Variants in EML4 observed in about 807,000 individuals in gnomAD.
The protein encoded by EML4 is EMAP like 4.
EML4 carries 72 observed loss-of-function variants against 129.0 expected under a neutral mutation model. That is an observed-to-expected ratio of 0.56 (90% CI 0.46 to 0.68). The LOEUF is 0.68. Among genes scored for constraint, EML4 ranks in the 30% least tolerant of loss-of-function variants. EML4 has a pLI of 0.00. For missense variants in EML4, 1,363 were observed against 1,190.6 expected, an observed-to-expected ratio of 1.14 and a Z score of -2.13; for synonymous variants, 532 against 405.0, an observed-to-expected ratio of 1.31 and a Z score of -3.77.
At chr2:42,226,438 TCATGAGGTCAGGAGATC>T (rs1673962086) in intron 1 of EML4, among the ~76,000 whole-genome samples, 1 of 117,506 alleles carries the variant, frequency 8.5e-6, no homozygotes, top group South Asian at 2.8e-4. Flanking sequence ...GGCGGGCGGA[TCATGAGGTCAGGAGATC>T]GAGACCATCC....
chr2:42,290,140 C>G (rs367762667), intron 11 of EML4, among the ~76,000 whole-genome samples: 32 of 151,706 alleles, frequency 2.1e-4, no homozygotes, highest in African/African-American at 6.5e-4. Context: ...GTATTGACTC[C>G]TGTTTAGGGA....
chr2:42,300,105 A>T (rs1417372034), intron 13 of EML4, among the ~76,000 whole-genome samples: 1 of 152,238 alleles, frequency 6.6e-6, no homozygotes, highest in South Asian at 2.1e-4. Flanking sequence ...TTTAAAATCT[A>T]TTCATCAGTT....
intron 17 of EML4, among the ~76,000 whole-genome samples, chr2:42,305,033 C>T (rs892305973): frequency 1.3e-5 from 2 of 152,052 alleles, no homozygotes; most frequent in African/African-American, 2.4e-5. Context: ...GCAGGAGAAT[C>T]AGTTGAACCT....
At chr2:42,239,024 G>T (rs1329920127) in intron 1 of EML4, among the ~76,000 whole-genome samples, 4 of 152,098 alleles carry the variant, frequency 2.6e-5, no homozygotes, top group African/African-American at 9.7e-5. Context: ...CTGCCTCAAC[G>T]TCTCAAAAGT....
intron 1 of EML4, among the ~76,000 whole-genome samples, chr2:42,177,230 A>C (rs1171221754): frequency 7.0e-6 from 1 of 142,700 alleles, no homozygotes; most frequent in African/African-American, 3.0e-5. Context: ...ATAGTTGACA[A>C]CTTAACAACC....
rs116559186 is a variant in EML4, at chr2:42,293,240, G to A, written c.1219-1885G>A. The stretch of plus-strand genomic sequence containing the variant: ...TCCTCCAGCCTCAGCCTCCCAAGTA[G>A]CTAAAACTACAGCGCGCACCGCCAC... On this transcript the variant is annotated intron_variant, in intron 11 of 22. Coordinates refer to ENST00000318522, the MANE Select transcript of EML4 (RefSeq NM_019063.5). 9.4e-3 allele frequency among the ~76,000 whole-genome samples: 1,421 copies of A among 151,918 alleles called. 26 individuals are homozygous for A. Among genetic ancestry groups the A allele is most frequent in the African/African-American group, 0.032 (1,320 of 41,438 alleles).
At chr2:42,264,420 A>G (rs1391580765) in intron 5 of EML4, among the ~76,000 whole-genome samples, 2 of 152,166 alleles carry the variant, frequency 1.3e-5, no homozygotes, top group Non-Finnish European at 2.9e-5. Context: ...GCCCAGCCAA[A>G]TAATAAATCT....
intron 2 of EML4, among the ~76,000 whole-genome samples, chr2:42,254,839 T>C (rs1676019560): frequency 6.6e-6 from 1 of 151,974 alleles, no homozygotes; most frequent in African/African-American, 2.4e-5. Flanking sequence ...TTTACACAAA[T>C]GTTTATGGCA....
intron 1 of EML4, among the ~76,000 whole-genome samples, chr2:42,183,494 G>A (rs1294984420): frequency 6.6e-6 from 1 of 152,158 alleles, no homozygotes; most frequent in African/African-American, 2.4e-5. Flanking sequence ...TACAAAACAG[G>A]TAGTTACAAC....
chr2:42,310,405 C>T (rs1034493239), intron 17 of EML4, among the ~76,000 whole-genome samples: 1 of 151,770 alleles, frequency 6.6e-6, no homozygotes, highest in Non-Finnish European at 1.5e-5. Context: ...AGTGCAGTGA[C>T]ATAATCTCAG....
rs2103860460 is a variant in EML4, at chr2:42,332,421, TG to T, written c.*2215del. 4.9e-6 allele frequency: 1 copy of T among 204,832 alleles called. No individual in the cohort carries two copies. Among genetic ancestry groups the T allele is most frequent in the East Asian group, 7.4e-5 (1 of 13,462 alleles). 12.7% of individuals were successfully genotyped at this position (204,832 alleles called of 1,614,324 possible). On this transcript the variant is annotated 3_prime_UTR_variant, in exon 23 of 23. Transcript: ENST00000318522. Reference sequence around the variant, plus strand: ...AATTGTAGATGTTTTTAGAAAAACTTGTGAATGAAAATGAATCCAAGTGTTT... The same window carrying T: ...AATTGTAGATGTTTTTAGAAAAACTTTGAATGAAAATGAATCCAAGTGTTT...
intron 1 of EML4, among the ~76,000 whole-genome samples, chr2:42,217,900 C>T (rs1156275064): frequency 1.3e-5 from 2 of 152,166 alleles, no homozygotes; most frequent in East Asian, 3.8e-4. Flanking sequence ...TGCTGATCAT[C>T]TCACTTTTGG....
chr2:42,309,665 C>T (rs1668820628), intron 17 of EML4, among the ~76,000 whole-genome samples: 2 of 152,092 alleles, frequency 1.3e-5, no homozygotes, highest in African/African-American at 4.8e-5. Context: ...AGCATTTCTT[C>T]AAGTACTTAT....
intron 19 of EML4, chr2:42,319,429 A>T (rs538091342): frequency 6.6e-6 from 1 of 152,336 alleles, no homozygotes; most frequent in East Asian, 1.9e-4. Context: ...TTAATTTGAG[A>T]TACCCATAGG....
chr2:42,210,041 C>A (rs1359505783), intron 1 of EML4, among the ~76,000 whole-genome samples: 1 of 152,016 alleles, frequency 6.6e-6, no homozygotes, highest in Non-Finnish European at 1.5e-5. Context: ...CCACACACAC[C>A]CCCCATTCCC....
intron 16 of EML4, among the ~76,000 whole-genome samples, chr2:42,304,012 A>T (rs1178901791): frequency 6.6e-6 from 1 of 152,208 alleles, no homozygotes; most frequent in Non-Finnish European, 1.5e-5. Context: ...AAGATTTCAA[A>T]TATCTACATA....
Position 42,330,694 on chromosome 2 carries a change from G to T in EML4, c.*487G>T. ...ACTGAGATACCCTCTCACCCCAAAT[G>T]TGTAATGGAAAATTTTTAATTAAGA... On this transcript the variant is annotated 3_prime_UTR_variant, in exon 23 of 23. Coordinates refer to ENST00000318522, the MANE Select transcript of EML4 (RefSeq NM_019063.5). 4.4e-6 allele frequency: 1 copy of T among 228,948 alleles called. No individual in the cohort carries two copies. The highest frequency in any genetic ancestry group is 5.0e-5 in the Admixed American group (1 of 19,832). The allele number at this position is 228,948 out of a possible 1,614,324, so 14.2% of individuals were successfully genotyped here. A position where few individuals can be genotyped will look rare whatever the true frequency, so the allele number is the denominator to read the frequency against.
At chr2:42,327,123 G>T (rs1410496752) in intron 21 of EML4, among the ~76,000 whole-genome samples, 1 of 152,136 alleles carries the variant, frequency 6.6e-6, no homozygotes, top group Non-Finnish European at 1.5e-5. Flanking sequence ...ACTAGCTTCT[G>T]TGATTTAGCA....
chr2:42,256,468 T>C lies in EML4; in HGVS notation c.209-33T>C, dbSNP rs1192413639. On this transcript the variant is annotated intron_variant, in intron 2 of 22. Transcript: ENST00000318522. Reference sequence around the variant, plus strand: ...TAGATCTTTAAGGAATATATTCAAATTTGATATAATTTTTTTCCTTAATTA... The same window carrying C: ...TAGATCTTTAAGGAATATATTCAAACTTGATATAATTTTTTTCCTTAATTA... 5 of 1,565,462 alleles carry C rather than the reference T, an allele frequency of 3.2e-6. No individual in the cohort carries two copies. The African/African-American group carries it at 5.6e-5, about 17-fold the overall frequency.
Sources: allele counts gnomAD v4.1 joint callset (sites outside exome capture counted in the v4.1 genomes callset), GRCh38; gene constraint gnomAD v4.1.1; transcripts MANE v1.5; gene names NCBI Gene and HGNC (gene_info 2026-07-23, HGNC 2026-07-21).